KAZN: variants seen among roughly 807,000 people sequenced by gnomAD.
The protein encoded by KAZN is kazrin.
In KAZN, 40 loss-of-function variants were observed where a neutral mutation model predicts 87.4. The ratio of observed to expected loss-of-function variants is 0.46; its 90% CI spans 0.36 to 0.60. KAZN has a LOEUF of 0.60. Ranked by LOEUF, KAZN falls within the 20% of genes least tolerant of loss-of-function variation. KAZN has a pLI of 0.00. For synonymous variants in KAZN, 466 were observed against 458.3 expected (o/e 1.02, Z -0.22); for missense variants, 898 against 1,073.9 (o/e 0.84, Z 2.29).
intron 10 of KAZN, among the ~76,000 whole-genome samples, chr1:15,095,416 T>A (rs1329410859): frequency 6.6e-6 from 1 of 152,106 alleles, no homozygotes; most frequent in South Asian, 2.1e-4. Context: ...TGGAGGGGGC[T>A]TCTCTTAGCA....
intron 2 of KAZN, among the ~76,000 whole-genome samples, chr1:14,213,811 T>A (rs1345328414): frequency 6.6e-6 from 1 of 152,206 alleles, no homozygotes; most frequent in Non-Finnish European, 1.5e-5. Flanking sequence ...CTACCTGTGG[T>A]GGCCCAGAGG....
intron 2 of KAZN, among the ~76,000 whole-genome samples, chr1:14,406,455 T>C (rs914523405): frequency 2.0e-5 from 3 of 151,846 alleles, no homozygotes; most frequent in African/African-American, 7.3e-5. Flanking sequence ...AACCCAAACA[T>C]CGAATGTTCT....
At chr1:14,959,532 G>A (rs548398819) in intron 1 of KAZN, among the ~76,000 whole-genome samples, 7 of 152,228 alleles carry the variant, frequency 4.6e-5, no homozygotes, top group Admixed American at 1.3e-4. Context: ...GGCAGTGTGC[G>A]GAGGGTGGGG....
intron 1 of KAZN, among the ~76,000 whole-genome samples, chr1:13,940,903 G>A (rs777351356): frequency 3.9e-5 from 6 of 151,996 alleles, no homozygotes; most frequent in Non-Finnish European, 8.8e-5. Flanking sequence ...TATTAAATGG[G>A]AAAAATCTGG....
chr1:14,197,794 A>T (rs1013705729), intron 2 of KAZN, among the ~76,000 whole-genome samples: 3 of 152,360 alleles, frequency 2.0e-5, no homozygotes, highest in Middle Eastern at 3.4e-3. Context: ...CAGGAAGGTC[A>T]GGCTGATAGA....
rs954141618 is a variant in KAZN at position 14,544,233 on chromosome 1, AT to A, written c.250-54741del. Among the ~76,000 whole-genome samples the A allele has an allele frequency of 1.1e-4, 16 of 149,644 alleles. No individual in the cohort carries two copies. The East Asian group carries it at 2.4e-3, about 22-fold the overall frequency. The stretch of plus-strand genomic sequence containing the variant: ...TGAATAGAGATTTCTGAGTTGGGGG[AT>A]TTTTTTTTCTAGATTTTCTCAAGGG... On this transcript the variant is annotated intron_variant, in intron 2 of 16. Transcript: ENST00000636203.
intron 1 of KAZN, among the ~76,000 whole-genome samples, chr1:14,935,147 G>A (rs1450961843): frequency 6.6e-6 from 1 of 152,226 alleles, no homozygotes; most frequent in Admixed American, 6.5e-5. Flanking sequence ...CAGGGACAGA[G>A]GCTACCCCTT....
chr1:14,563,948 C>A (rs1172212546), intron 2 of KAZN, among the ~76,000 whole-genome samples: 2 of 144,058 alleles, frequency 1.4e-5, no homozygotes, highest in Non-Finnish European at 3.0e-5. Context: ...TGGCTCACTG[C>A]AACCACCATC....
intron 1 of KAZN, among the ~76,000 whole-genome samples, chr1:14,869,001 T>C (rs947382148): frequency 2.0e-5 from 3 of 152,138 alleles, no homozygotes; most frequent in African/African-American, 7.2e-5. Context: ...GGGGCCCCGG[T>C]GGTATTGTGG....
At chr1:14,664,322 A>AGGTGT (rs1639373988) in intron 1 of KAZN, among the ~76,000 whole-genome samples, 1 of 152,098 alleles carries the variant, frequency 6.6e-6, no homozygotes, top group South Asian at 2.1e-4. Flanking sequence ...AGTCCCAGCT[A>AGGTGT]CTCGGGAGGC....
At chr1:15,035,469 A>G (rs911771618) in intron 3 of KAZN, among the ~76,000 whole-genome samples, 2 of 152,188 alleles carry the variant, frequency 1.3e-5, no homozygotes, top group Non-Finnish European at 2.9e-5. Context: ...TTTATGGGCC[A>G]GACAACTGAG....
chr1:15,013,703 G>A (rs1204347985), intron 2 of KAZN, among the ~76,000 whole-genome samples: 1 of 151,624 alleles, frequency 6.6e-6, no homozygotes, highest in African/African-American at 2.4e-5. Flanking sequence ...TGAATGAGCT[G>A]AGATCGCACC....
chr1:14,320,797 A>G lies in KAZN; in HGVS notation c.249+140205A>G, dbSNP rs116253049. Among the ~76,000 whole-genome samples the G allele has an allele frequency of 4.7e-3, 712 of 152,308 alleles. 2 individuals carry two copies. Among genetic ancestry groups the G allele is most frequent in the African/African-American group, 0.016 (659 of 41,574 alleles). ...ATGGAATCCTGAAGCTTCCAGCTAC[A>G]AAGTCATGCTGATATCAAAACATCA... is the stretch of plus-strand genomic sequence containing the variant. On this transcript the variant is annotated intron_variant, in intron 2 of 16. Coordinates refer to the KAZN transcript ENST00000636203.
Position 13,908,023 on chromosome 1 carries a change from T to A in KAZN, c.91+14267T>A, listed in dbSNP as rs72639048. 6.6e-3 allele frequency among the ~76,000 whole-genome samples: 1,007 copies of A among 152,332 alleles called. 4 individuals are homozygous for A. Among genetic ancestry groups the A allele is most frequent in the Middle Eastern group, 0.048 (14 of 292 alleles). Reference sequence around the variant, plus strand: ...TTAGCAGTGGTAGCAGGAGATGGAATAGATGACAAGGCAAAGAGAACATTT... The same window carrying A: ...TTAGCAGTGGTAGCAGGAGATGGAAAAGATGACAAGGCAAAGAGAACATTT... On this transcript the variant is annotated intron_variant, in intron 1 of 16. Coordinates refer to the KAZN transcript ENST00000636203.
chr1:15,101,395 C>T, intron 10 of KAZN, 148 bp from the exon 11 acceptor site: 1 of 622,556 alleles, frequency 1.6e-6, no homozygotes, highest in East Asian at 2.7e-5. Flanking sequence ...CGGCTCCATC[C>T]CTGTCCATGT....
At chr1:14,388,187 A>T (rs6669482) in intron 2 of KAZN, among the ~76,000 whole-genome samples, 20 of 151,994 alleles carry the variant, frequency 1.3e-4, no homozygotes, top group East Asian at 3.9e-4. Context: ...ACACGGTGCG[A>T]GCACCCCCTG....
At chr1:14,187,784 A>C (rs1023899574) in intron 2 of KAZN, among the ~76,000 whole-genome samples, 11 of 152,150 alleles carry the variant, frequency 7.2e-5, no homozygotes, top group African/African-American at 2.4e-4. Context: ...GAGAAACCCT[A>C]CTTTAGGTCC....
intron 1 of KAZN, among the ~76,000 whole-genome samples, chr1:14,671,786 A>T (rs1639932425): frequency 6.6e-6 from 1 of 152,188 alleles, no homozygotes; most frequent in Non-Finnish European, 1.5e-5. Flanking sequence ...CCTCATTTCC[A>T]TCCAGAAAGT....
chr1:13,980,517 G>A (rs1207476563), intron 1 of KAZN, among the ~76,000 whole-genome samples: 3 of 152,124 alleles, frequency 2.0e-5, no homozygotes, highest in Non-Finnish European at 4.4e-5. Flanking sequence ...AAGTATTACT[G>A]AATATGAAGA....
Sources: allele counts gnomAD v4.1 joint callset (sites outside exome capture counted in the v4.1 genomes callset), GRCh38; gene constraint gnomAD v4.1.1; transcripts MANE v1.5; gene names NCBI Gene and HGNC (gene_info 2026-07-23, HGNC 2026-07-21).